Variants in LHFPL3 observed in about 807,000 individuals in gnomAD.
LHFPL3 encodes LHFPL tetraspan subfamily member 3.
LHFPL3 carries 5 observed loss-of-function variants against 19.3 expected under a neutral mutation model. The ratio of observed to expected loss-of-function variants is 0.26; its 90% confidence interval spans 0.14 to 0.54. The LOEUF is 0.54. Among genes scored for constraint, LHFPL3 ranks in the 20% least tolerant of loss-of-function variants. The probability of loss-of-function intolerance (pLI) is 0.94; values close to 1 mark genes in which losing one functional copy is unlikely to be tolerated. For missense variants in LHFPL3, 249 were observed against 307.4 expected (o/e 0.81, Z 1.42); for synonymous variants, 133 against 126.2 (o/e 1.05, Z -0.36).
chr7:104,729,448 G>T (rs189574372), intron 1 of LHFPL3, among the ~76,000 whole-genome samples: 2 of 152,162 alleles, frequency 1.3e-5, no homozygotes, highest in Admixed American at 1.3e-4. Flanking sequence ...ACCCTACTGT[G>T]CAACAGAACA....
intron 1 of LHFPL3, among the ~76,000 whole-genome samples, chr7:104,600,963 C>T (rs536559343): frequency 4.5e-4 from 69 of 152,220 alleles, no homozygotes; most frequent in African/African-American, 1.6e-3. Flanking sequence ...GAGCTGGGCA[C>T]CATTATGCAG....
chr7:104,777,656 T>C (rs1794655529), intron 2 of LHFPL3, among the ~76,000 whole-genome samples: 1 of 152,226 alleles, frequency 6.6e-6, no homozygotes, highest in Non-Finnish European at 1.5e-5. Flanking sequence ...CTACAGAGAA[T>C]ATCATTTGTC....
At chr7:104,599,411 T>C (rs1584429943) in intron 1 of LHFPL3, among the ~76,000 whole-genome samples, 1 of 152,296 alleles carries the variant, frequency 6.6e-6, no homozygotes, top group East Asian at 1.9e-4. Flanking sequence ...TGGCTGTATT[T>C]GGGGTAGAAG....
At chr7:104,508,259 C>T (rs1242241547) in intron 1 of LHFPL3, among the ~76,000 whole-genome samples, 7 of 151,964 alleles carry the variant, frequency 4.6e-5, no homozygotes, top group African/African-American at 1.7e-4. Flanking sequence ...CACATATACA[C>T]CATGGAATAC....
rs1003074426 is a variant in LHFPL3, at chr7:104,544,041, TA to T, written c.446-192621del. The stretch of plus-strand genomic sequence containing the variant: ...TGTATCCCAGAACTTAAAGTAAAAT[TA>T]AAAAAAAAAAAAGCTGGTATTAGGA... On this transcript the variant is annotated intron_variant, in intron 1 of 2. Transcript: ENST00000424859. 2.5e-3 allele frequency among the ~76,000 whole-genome samples: 333 copies of T among 135,366 alleles called. 2 individuals carry two copies. Among genetic ancestry groups the T allele is most frequent in the South Asian group, 0.012 (50 of 4,250 alleles). 88.8% of individuals were successfully genotyped at this position (135,366 alleles called of 152,430 possible). A position where few individuals can be genotyped will look rare whatever the true frequency, so the allele number is the denominator to read the frequency against.
chr7:104,669,341 A>C, intron 1 of LHFPL3: 1 of 1,613,616 alleles, frequency 6.2e-7, no homozygotes, highest in Non-Finnish European at 8.5e-7. Flanking sequence ...GATGGGATGA[A>C]TGTCCCAAAA....
At chr7:104,635,633 C>CA in intron 1 of LHFPL3, among the ~76,000 whole-genome samples, 1 of 152,112 alleles carries the variant, frequency 6.6e-6, no homozygotes, top group Non-Finnish European at 1.5e-5. Flanking sequence ...TGCATGCAGT[C>CA]AAAAAATTTA....
intron 2 of LHFPL3, among the ~76,000 whole-genome samples, chr7:104,777,884 T>A (rs117825560): frequency 0.011 from 1,611 of 152,248 alleles, 10 homozygotes; most frequent in South Asian, 0.022. Context: ...TGTGGGGATC[T>A]CTTGTAACTT....
chr7:104,681,181 G>A (rs930158621), intron 1 of LHFPL3, among the ~76,000 whole-genome samples: 1 of 139,538 alleles, frequency 7.2e-6, no homozygotes, highest in African/African-American at 2.6e-5. Flanking sequence ...TGTTAGGGAA[G>A]GATGGGATCT....
intron 2 of LHFPL3, among the ~76,000 whole-genome samples, chr7:104,810,279 G>A (rs1790439681): frequency 6.6e-6 from 1 of 152,142 alleles, no homozygotes; most frequent in African/African-American, 2.4e-5. Context: ...GCCATTGCAG[G>A]GATTTAGGCA....
chr7:104,820,578 A>G (rs1367372879), intron 2 of LHFPL3, among the ~76,000 whole-genome samples: 1 of 152,122 alleles, frequency 6.6e-6, no homozygotes, highest in Non-Finnish European at 1.5e-5. Flanking sequence ...CCAACTTTCT[A>G]CAGTTTATGA....
chr7:104,337,608 G>A (rs11768779), intron 1 of LHFPL3, among the ~76,000 whole-genome samples: 34,573 of 152,010 alleles, frequency 0.23, 4,620 homozygotes, highest in East Asian at 0.39. Context: ...AAAATTTGAC[G>A]AAAAGCATTT....
At chr7:104,462,765 G>C (rs1584336601) in intron 1 of LHFPL3, among the ~76,000 whole-genome samples, 1 of 152,128 alleles carries the variant, frequency 6.6e-6, no homozygotes, top group African/African-American at 2.4e-5. Flanking sequence ...GAATGAGTTT[G>C]GGAGGAGTCC....
At chr7:104,395,278 C>T (rs1233704876) in intron 1 of LHFPL3, among the ~76,000 whole-genome samples, 1 of 152,152 alleles carries the variant, frequency 6.6e-6, no homozygotes, top group African/African-American at 2.4e-5. Context: ...ACTGTGTCCA[C>T]AGTCAGTTAA....
chr7:104,873,524 A>G (rs1364152824), intron 2 of LHFPL3, among the ~76,000 whole-genome samples: 1 of 151,748 alleles, frequency 6.6e-6, no homozygotes, highest in Non-Finnish European at 1.5e-5. Flanking sequence ...GCTACTTGGG[A>G]GGCTGAAGCA....
Position 104,898,653 on chromosome 7 carries a change from T to TG in LHFPL3, c.683-7531dup, listed in dbSNP as rs145002448. 2.5e-3 allele frequency among the ~76,000 whole-genome samples: 387 copies of TG among 152,192 alleles called. 2 individuals carry two copies. Among genetic ancestry groups the TG allele is most frequent in the African/African-American group, 8.9e-3 (369 of 41,524 alleles). ...TCCAGTTACTTCAGAAAGACATTTA[T>TG]GGGCCACGAAGCTGGAAAGGGCCAG... On this transcript the variant is annotated intron_variant, in intron 2 of 2. Transcript: ENST00000424859.
chr7:104,512,790 C>G (rs1368330502), intron 1 of LHFPL3, among the ~76,000 whole-genome samples: 5 of 151,942 alleles, frequency 3.3e-5, no homozygotes, highest in African/African-American at 1.2e-4. Flanking sequence ...CAGGAAAAGG[C>G]AGCTAGCCAG....
At chr7:104,897,019 G>A (rs1418954289) in intron 2 of LHFPL3, among the ~76,000 whole-genome samples, 1 of 151,666 alleles carries the variant, frequency 6.6e-6, no homozygotes, top group Non-Finnish European at 1.5e-5. Flanking sequence ...ACGGGAGGCA[G>A]AGATTGCAAT....
chr7:104,739,834 C>T (rs937852963), intron 2 of LHFPL3, among the ~76,000 whole-genome samples: 25 of 152,206 alleles, frequency 1.6e-4, no homozygotes, highest in Non-Finnish European at 2.6e-4. Flanking sequence ...AGTATTCATA[C>T]ATTCTGATAG....
Sources: allele counts gnomAD v4.1 joint callset (sites outside exome capture counted in the v4.1 genomes callset), GRCh38; gene constraint gnomAD v4.1.1; transcripts MANE v1.5; gene names NCBI Gene and HGNC (gene_info 2026-07-23, HGNC 2026-07-21).